Variants in CDH3 observed in about 807,000 individuals in gnomAD.
CDH3 encodes cadherin-3.
Under a neutral mutation model 82.0 loss-of-function variants are expected in CDH3, and 54 were observed. The ratio of observed to expected loss-of-function variants is 0.66; its 90% CI spans 0.53 to 0.83. The LOEUF (loss-of-function observed/expected upper bound fraction) is 0.83. CDH3 is among the 40% of genes least tolerant of loss of function. The pLI, the probability that CDH3 is intolerant of heterozygous loss-of-function variation, is 0.00. For missense variants in CDH3, 1,054 were observed against 1,084.6 expected (o/e 0.97, Z 0.40); for synonymous variants, 446 against 437.9 (o/e 1.02, Z -0.23).
At chr16:68,708,308 C>T (rs568629968) in intron 1 of CDH3, among the ~76,000 whole-genome samples, 139 of 149,800 alleles carry the variant, frequency 9.3e-4, no homozygotes, top group African/African-American at 3.3e-3. Flanking sequence ...GCCTGGGTGA[C>T]GAGCAAAATT....
At chr16:68,719,807 G>A (rs1025832560) in intron 1 of CDH3, among the ~76,000 whole-genome samples, 2 of 152,054 alleles carry the variant, frequency 1.3e-5, no homozygotes, top group African/African-American at 4.8e-5. Context: ...AGATGGAACT[G>A]TACTACATCT....
Position 68,684,805 on chromosome 16 carries a change from A to G in CDH3, c.1405A>G (p.Lys469Glu), listed in dbSNP as rs148386903. ...TGTCTACACTGCAGAAGACCCTGAC[A>G]AGGAGAATCAAAAGATCAGGTACTC... ...VCVYTAEDPD[K>E]ENQKISYRIL... is the part of the protein sequence containing the mutation. The change falls in exon 10 of 16, where the codon AAG becomes GAG. Residue 469 changes from lysine (K) to glutamate (E), a missense_variant. Transcript: ENST00000264012. 1.9e-6 allele frequency: 3 copies of G among 1,614,064 alleles called. No homozygotes were observed. The highest frequency in any genetic ancestry group is 1.3e-5 in the African/African-American group (1 of 74,934).
Position 68,681,407 on chromosome 16 carries a change from C to A in CDH3, c.996+311C>A, listed in dbSNP as rs979937661. ...ATTTGAAAACATATTTTCCTTGTAC[C>A]TACACCTGCCCATCTTTTCCCAGTG... On this transcript the variant is annotated intron_variant, in intron 8 of 15. Coordinates refer to ENST00000264012, the MANE Select transcript of CDH3 (RefSeq NM_001793.6). 2.0e-5 allele frequency among the ~76,000 whole-genome samples: 3 copies of A among 152,172 alleles called. No individual in the cohort carries two copies. In the East Asian group the frequency reaches 5.8e-4, roughly 29 times the overall value.
intron 2 of CDH3, among the ~76,000 whole-genome samples, chr16:68,662,693 C>G (rs1371710046): frequency 6.6e-6 from 1 of 151,090 alleles, no homozygotes; most frequent in African/African-American, 2.4e-5. Context: ...TACAGGCACC[C>G]GCCACCACGC....
At position 68,717,742 on chromosome 16, in the gene CDH3, C is replaced by T. The variant is rs568250943; in HGVS notation, c.100-4683C>T. On this transcript the variant is annotated intron_variant, in intron 1 of 2. Transcript: ENST00000569080. The stretch of plus-strand genomic sequence containing the variant: ...GAGTTGAGATGGCGCCATTGCACTC[C>T]AGCCTGGGGGATAAGAGCGAGACAT... 5.3e-5 allele frequency among the ~76,000 whole-genome samples: 8 copies of T among 150,972 alleles called. No homozygotes were observed. In the South Asian group the frequency reaches 8.4e-4, roughly 16 times the overall value.
chr16:68,689,722 C>T (rs1011128063), intron 12 of CDH3, among the ~76,000 whole-genome samples: 1 of 151,876 alleles, frequency 6.6e-6, no homozygotes, highest in Admixed American at 6.6e-5. Flanking sequence ...TGCCTCCTGG[C>T]ACTAAATGGG....
intron 15 of CDH3, chr16:68,696,831 T>A (rs562336688): frequency 6.6e-6 from 1 of 152,472 alleles, no homozygotes; most frequent in Admixed American, 6.5e-5. Context: ...TAGGAGGCTG[T>A]GTTCAGCGCT....
chr16:68,669,829 A>G (rs1311031879), intron 2 of CDH3, among the ~76,000 whole-genome samples: 1 of 152,066 alleles, frequency 6.6e-6, no homozygotes, highest in Non-Finnish European at 1.5e-5. Flanking sequence ...TTTAGGATTG[A>G]GAAAAGTGGC....
intron 12 of CDH3, among the ~76,000 whole-genome samples, chr16:68,689,676 A>G (rs776329469): frequency 2.0e-5 from 3 of 152,098 alleles, no homozygotes; most frequent in Non-Finnish European, 4.4e-5. Flanking sequence ...GCCACTCCAC[A>G]TGGTCGACTA....
chr16:68,651,582 A>G, intron 2 of CDH3: 1 of 495,960 alleles, frequency 2.0e-6, no homozygotes, highest in Non-Finnish European at 4.0e-6. Flanking sequence ...CGCCAGGGCA[A>G]GAAGAGACAC....
downstream of CDH3, among the ~76,000 whole-genome samples, chr16:68,703,104 A>T (rs2152108984): frequency 6.6e-6 from 1 of 152,218 alleles, no homozygotes; most frequent in South Asian, 2.1e-4. Context: ...ACTTCATACC[A>T]TGCCTTTTCC....
At chr16:68,689,903 AT>A (rs1353805199) in intron 12 of CDH3, among the ~76,000 whole-genome samples, 2 of 152,200 alleles carry the variant, frequency 1.3e-5, no homozygotes, top group African/African-American at 2.4e-5. Flanking sequence ...CACTACGGGC[AT>A]TTAGTGGTAG....
chr16:68,717,629 C>T (rs1212517792), intron 1 of CDH3, among the ~76,000 whole-genome samples: 2 of 152,000 alleles, frequency 1.3e-5, no homozygotes, highest in South Asian at 2.1e-4. Flanking sequence ...AAAAATTAGC[C>T]GGGCGTGGTG....
intron 2 of CDH3, among the ~76,000 whole-genome samples, chr16:68,725,158 C>T (rs1032618465): frequency 2.0e-5 from 3 of 152,150 alleles, no homozygotes; most frequent in African/African-American, 7.2e-5. Flanking sequence ...CACAGGGCTC[C>T]ATGACAGCAG....
intron 9 of CDH3, among the ~76,000 whole-genome samples, chr16:68,683,077 A>G (rs1011605833): frequency 2.4e-4 from 36 of 152,208 alleles, no homozygotes; most frequent in African/African-American, 8.4e-4. Flanking sequence ...GCAAGATCCC[A>G]TCAGCACTAA....
downstream of CDH3, among the ~76,000 whole-genome samples, chr16:68,732,107 A>T (rs1427800232): frequency 6.7e-6 from 1 of 149,454 alleles, no homozygotes; most frequent in East Asian, 2.0e-4. Context: ...GCACCGTTTC[A>T]ACTGGAGGCG....
rs201456844 is a variant in CDH3, at chr16:68,676,457, G to T, written c.233G>T (p.Gly78Val). The T allele has an allele frequency of 8.7e-6, 14 of 1,613,040 alleles. No individual in the cohort carries two copies. Among genetic ancestry groups the T allele is most frequent in the Non-Finnish European group, 1.2e-5 (14 of 1,178,962 alleles). ...TDNDDFTVRN[G>V]ETVQERRSLK... ...AATGATGACTTCACTGTGCGGAATGGCGAGACAGTCCAGGTAAAATACCAT... is the reference window on the plus strand; with the variant it reads ...AATGATGACTTCACTGTGCGGAATGTCGAGACAGTCCAGGTAAAATACCAT... The change falls in exon 3 of 16, where the codon GGC becomes GTC. Residue 78 changes from glycine to valine, a missense_variant. Physicochemically the swap from Gly to Val is moderately radical, Grantham distance 109 (BLOSUM62 -3). Coordinates refer to ENST00000264012, the MANE Select transcript of CDH3 (RefSeq NM_001793.6).
Position 68,691,964 on chromosome 16 carries a change from G to A in CDH3, c.2002+38G>A, listed in dbSNP as rs1028631715. ...CCCCCACCCCCTCCCTGAGGATGGG[G>A]GAGTTGAAAGACTGGATTCTACCTT... On this transcript the variant is annotated intron_variant, in intron 13 of 15. Transcript: ENST00000264012. 8.5e-6 allele frequency: 13 copies of A among 1,538,166 alleles called. 1 individual carries two copies. The highest frequency in any genetic ancestry group is 5.6e-5 in the South Asian group (5 of 88,894).
chr16:68,685,428 T>C lies in CDH3; in HGVS notation c.1570+78T>C, dbSNP rs1252806688. 6 of 1,472,398 alleles carry C rather than the reference T, an allele frequency of 4.1e-6. No individual in the cohort carries two copies. The Admixed American group carries it at 1.0e-4, about 25-fold the overall frequency. The allele number at this position is 1,472,398 out of a possible 1,614,324, so 91.2% of individuals were successfully genotyped here. A position where few individuals can be genotyped will look rare whatever the true frequency, so the allele number is the denominator to read the frequency against. ...ACATGACACAGCACAGCATGTTTCC[T>C]CCACAGGTGGGAACATGTGTCGAGG... On this transcript the variant is annotated intron_variant, in intron 11 of 15. Coordinates refer to ENST00000264012, the MANE Select transcript of CDH3 (RefSeq NM_001793.6).
Sources: allele counts gnomAD v4.1 joint callset (sites outside exome capture counted in the v4.1 genomes callset), GRCh38; gene constraint gnomAD v4.1.1; transcripts MANE v1.5; gene names NCBI Gene and HGNC (gene_info 2026-07-23, HGNC 2026-07-21).